Variants in LIMCH1 observed in about 807,000 individuals in gnomAD.
LIMCH1 encodes LIM and calponin homology domains-containing protein 1.
Under a neutral mutation model 176.5 loss-of-function variants are expected in LIMCH1, and 113 were observed. That is an observed-to-expected ratio of 0.64 (90% CI 0.55 to 0.75). LIMCH1 has a LOEUF of 0.75. Among genes scored for constraint, LIMCH1 ranks in the 30% least tolerant of loss-of-function variants. The probability of loss-of-function intolerance (pLI) is 0.00; values close to 1 mark genes in which losing one functional copy is unlikely to be tolerated. For synonymous variants in LIMCH1, 619 were observed against 645.9 expected (o/e 0.96, Z 0.63); for missense variants, 1,674 against 1,814.9 (o/e 0.92, Z 1.41).
At chr4:41,675,894 TAAAC>T (rs1349656853) in intron 22 of LIMCH1, among the ~76,000 whole-genome samples, 5 of 152,176 alleles carry the variant, frequency 3.3e-5, no homozygotes, top group African/African-American at 7.2e-5. Flanking sequence ...ATTGGTGAGT[TAAAC>T]AACCCACTGT....
intron 1 of LIMCH1, among the ~76,000 whole-genome samples, chr4:41,367,233 TTA>T (rs1180864585): frequency 2.6e-5 from 4 of 152,134 alleles, no homozygotes; most frequent in Non-Finnish European, 5.9e-5. Context: ...TCTCAGGGAA[TTA>T]CCTTTGGCAT....
chr4:41,625,966 A>T (rs921535783), intron 7 of LIMCH1, among the ~76,000 whole-genome samples: 1 of 152,112 alleles, frequency 6.6e-6, no homozygotes, highest in African/African-American at 2.4e-5. Flanking sequence ...TATGAGAGCT[A>T]TGATTGCACC....
At chr4:41,454,118 C>T (rs368014612) in intron 1 of LIMCH1, among the ~76,000 whole-genome samples, 1 of 152,124 alleles carries the variant, frequency 6.6e-6, no homozygotes, top group Non-Finnish European at 1.5e-5. Flanking sequence ...GCCCCCCACC[C>T]TCACCACATT....
At chr4:41,600,934 T>G (rs1254364471) in intron 2 of LIMCH1, among the ~76,000 whole-genome samples, 4 of 152,226 alleles carry the variant, frequency 2.6e-5, no homozygotes, top group Admixed American at 6.5e-5. Context: ...TTTCCGTCTT[T>G]TTTTCTGTCT....
intron 2 of LIMCH1, among the ~76,000 whole-genome samples, chr4:41,520,607 T>C (rs1183089623): frequency 6.6e-6 from 1 of 152,216 alleles, no homozygotes; most frequent in Non-Finnish European, 1.5e-5. Context: ...ACTGTTGCCC[T>C]TCCTGTGCCT....
Position 41,495,188 on chromosome 4 carries a change from G to A in LIMCH1, c.167+582G>A, listed in dbSNP as rs568726838. On this transcript the variant is annotated intron_variant, in intron 2 of 26. Transcript: ENST00000313860. ...TAGCTACAAAATAAGCAGAGCCTTC[G>A]TACTTATAAAGACATATATTTCAAG... Among the ~76,000 whole-genome samples, 44 of 152,226 alleles carry A rather than the reference G, an allele frequency of 2.9e-4. No individual in the cohort carries two copies. In the South Asian group the frequency reaches 4.4e-3, roughly 15 times the overall value.
chr4:41,615,405 T>C (rs1467884184), intron 5 of LIMCH1, among the ~76,000 whole-genome samples: 1 of 152,130 alleles, frequency 6.6e-6, no homozygotes, highest in Non-Finnish European at 1.5e-5. Flanking sequence ...TTTGCAGCAA[T>C]TAAAATTGAT....
intron 1 of LIMCH1, among the ~76,000 whole-genome samples, chr4:41,473,526 C>A (rs2067291638): frequency 6.6e-6 from 1 of 152,134 alleles, no homozygotes; most frequent in African/African-American, 2.4e-5. Context: ...TAGTTCAGGG[C>A]CTTTATCTCA....
At chr4:41,677,313 CAGG>C (rs1379391596) in intron 23 of LIMCH1, among the ~76,000 whole-genome samples, 1 of 152,048 alleles carries the variant, frequency 6.6e-6, no homozygotes, top group Middle Eastern at 3.2e-3. Context: ...GAGGCTGAGA[CAGG>C]AGAATTGTTT....
At chr4:41,600,872 G>A (rs1278765088) in intron 2 of LIMCH1, among the ~76,000 whole-genome samples, 3 of 152,104 alleles carry the variant, frequency 2.0e-5, no homozygotes, top group African/African-American at 7.2e-5. Context: ...AGTGACACGT[G>A]GATACAGTCC....
intron 26 of LIMCH1, among the ~76,000 whole-genome samples, chr4:41,683,063 A>C (rs2153052868): frequency 6.6e-6 from 1 of 152,262 alleles, no homozygotes; most frequent in African/African-American, 2.4e-5. Context: ...AAAGCCCCAA[A>C]CCTAAATATT....
intron 1 of LIMCH1, among the ~76,000 whole-genome samples, chr4:41,401,128 A>T (rs1286946099): frequency 2.0e-5 from 3 of 152,202 alleles, no homozygotes; most frequent in East Asian, 3.8e-4. Context: ...TTGAATGCTA[A>T]TGCCTAGGTT....
intron 5 of LIMCH1, among the ~76,000 whole-genome samples, chr4:41,615,071 T>C (rs2091915179): frequency 6.6e-6 from 1 of 152,190 alleles, no homozygotes. Flanking sequence ...ATTTCTAAAA[T>C]GTTATATGTC....
intron 1 of LIMCH1, among the ~76,000 whole-genome samples, chr4:41,369,518 A>G (rs1336790268): frequency 1.3e-5 from 2 of 152,212 alleles, no homozygotes; most frequent in Non-Finnish European, 1.5e-5. Context: ...CCACTTCTCC[A>G]GGGACAAATC....
intron 1 of LIMCH1, among the ~76,000 whole-genome samples, chr4:41,593,254 AG>A (rs1398723393): frequency 3.3e-5 from 5 of 152,262 alleles, no homozygotes; most frequent in Non-Finnish European, 7.3e-5. Context: ...ATGAACAAGG[AG>A]GGTTTAATGT....
chr4:41,569,760 A>G lies in LIMCH1; in HGVS notation c.-240-29160A>G, dbSNP rs191713461. Among the ~76,000 whole-genome samples, 278 of 152,322 alleles carry G rather than the reference A, an allele frequency of 1.8e-3. 1 individual carries two copies. Among genetic ancestry groups the G allele is most frequent in the African/African-American group, 6.2e-3 (257 of 41,578 alleles). ...GTTTCAAAGATAATGAAACATAATAAGGACTCCAAAAATGCCACTAAAAGC... is the reference window on the plus strand; with the variant it reads ...GTTTCAAAGATAATGAAACATAATAGGGACTCCAAAAATGCCACTAAAAGC... On this transcript the variant is annotated intron_variant, in intron 1 of 31. Transcript: ENST00000503057.
At chr4:41,433,720 C>T (rs1179342600) in intron 1 of LIMCH1, among the ~76,000 whole-genome samples, 6 of 149,666 alleles carry the variant, frequency 4.0e-5, no homozygotes, top group African/African-American at 1.2e-4. Context: ...AGCTGTCAGT[C>T]TTCTTAAGGC....
chr4:41,447,095 T>C (rs2063360908), intron 1 of LIMCH1, among the ~76,000 whole-genome samples: 2 of 152,162 alleles, frequency 1.3e-5, no homozygotes, highest in Non-Finnish European at 2.9e-5. Flanking sequence ...CTGGGCATGG[T>C]GGCATGTGCC....
chr4:41,561,680 A>G (rs1047771642), intron 1 of LIMCH1, among the ~76,000 whole-genome samples: 1 of 152,188 alleles, frequency 6.6e-6, no homozygotes, highest in Non-Finnish European at 1.5e-5. Flanking sequence ...GACAAGTACC[A>G]TGGGAAAGAA....
Sources: gnomAD v4.1 joint callset for allele counts (sites outside exome capture counted in the v4.1 genomes callset) on GRCh38, gnomAD v4.1.1 for gene constraint, MANE v1.5 for transcripts, NCBI Gene and HGNC (gene_info 2026-07-23, HGNC 2026-07-21) for gene names.